POC1B: variants seen among roughly 807,000 people sequenced by gnomAD.
POC1B encodes the protein POC1 centriolar protein B.
In POC1B, 44 loss-of-function variants were observed where a neutral mutation model predicts 60.6. The ratio of observed to expected loss-of-function variants is 0.73; its 90% CI spans 0.57 to 0.93. POC1B has a LOEUF of 0.93. POC1B is among the 40% of genes least tolerant of loss of function. The pLI, the probability that POC1B is intolerant of heterozygous loss-of-function variation, is 0.00. For missense variants in POC1B, 555 were observed against 572.3 expected (o/e 0.97, Z 0.31); for synonymous variants, 180 against 198.9 (o/e 0.90, Z 0.80).
intron 2 of POC1B, chr12:89,523,189 G>A (rs1463683550): frequency 8.7e-6 from 14 of 1,613,746 alleles, no homozygotes; most frequent in African/African-American, 1.3e-5. Flanking sequence ...ACATTCAGAC[G>A]AGATCCCTCT....
At chr12:89,404,820 G>A in the POC1B span, among the ~76,000 whole-genome samples, 2 of 152,086 alleles carry the variant, frequency 1.3e-5, no homozygotes, top group Non-Finnish European at 2.9e-5. Context: ...CTAACTAATA[G>A]TTCTTACCTT....
rs757382859 is a variant in POC1B at position 89,526,003 on chromosome 12, A to G, written c.-108T>C. 6 of 1,541,682 alleles carry G rather than the reference A, an allele frequency of 3.9e-6. No individual in the cohort carries two copies. The African/African-American group carries it at 6.9e-5, about 18-fold the overall frequency. ...GTGCGGCTCCCGGAACCGTCTGCCC[A>G]GAGCGGCAGCGCCTCCCGGTCACTA... On this transcript the variant is annotated 5_prime_UTR_variant, in exon 1 of 12. Transcript: ENST00000313546.
At chr12:89,464,819 GAAAC>G (rs1882625092) in intron 9 of POC1B, among the ~76,000 whole-genome samples, 1 of 137,720 alleles carries the variant, frequency 7.3e-6, no homozygotes, top group African/African-American at 2.6e-5. Context: ...AAAAAAAAAA[GAAAC>G]AATTACAACA....
chr12:89,501,023 G>A (rs1869538761), intron 2 of POC1B: 2 of 1,023,464 alleles, frequency 2.0e-6, no homozygotes, highest in Non-Finnish European at 3.0e-6. Context: ...TAATTGATAA[G>A]TCAGATCAAA....
Position 89,419,735 on chromosome 12 carries a change from A to G in POC1B, c.*1418T>C, listed in dbSNP as rs562007048. The stretch of plus-strand genomic sequence containing the variant: ...GGAACAACTTTTTCTTTTAAAGCAG[A>G]AATGTCTTTATTGTTTGAAGCATGA... On this transcript the variant is annotated 3_prime_UTR_variant, in exon 12 of 12. Transcript: ENST00000313546. The G allele has an allele frequency of 4.6e-5, 7 of 152,302 alleles. No homozygotes were observed. The East Asian group carries it at 1.3e-3, about 29-fold the overall frequency. 9.4% of individuals were successfully genotyped at this position (152,302 alleles called of 1,614,324 possible).
intron 10 of POC1B, among the ~76,000 whole-genome samples, chr12:89,441,399 C>T (rs1046030559): frequency 6.6e-6 from 1 of 152,112 alleles, no homozygotes; most frequent in Non-Finnish European, 1.5e-5. Flanking sequence ...ATGGCCGGGT[C>T]CCCCTCTGAG....
At chr12:89,484,741 T>A (rs1448693107) in intron 4 of POC1B, among the ~76,000 whole-genome samples, 2 of 152,152 alleles carry the variant, frequency 1.3e-5, no homozygotes, top group African/African-American at 4.8e-5. Context: ...CTGTACTGCA[T>A]CACCTGAAAG....
intron 4 of POC1B, among the ~76,000 whole-genome samples, chr12:89,477,345 A>T (rs928399910): frequency 6.6e-6 from 1 of 152,158 alleles, no homozygotes; most frequent in Non-Finnish European, 1.5e-5. Context: ...AATATGTAAA[A>T]AGATGAAGCA....
downstream of POC1B, among the ~76,000 whole-genome samples, chr12:89,419,058 A>C (rs1463837985): frequency 1.3e-5 from 2 of 152,020 alleles, no homozygotes; most frequent in East Asian, 3.9e-4. Flanking sequence ...GAAGAATCAA[A>C]GAGGATTCCA....
intron 2 of POC1B, among the ~76,000 whole-genome samples, chr12:89,512,564 G>A (rs1870239959): frequency 6.6e-6 from 1 of 152,162 alleles, no homozygotes; most frequent in Non-Finnish European, 1.5e-5. Context: ...TTCAAGACCA[G>A]CCTCAGCAAT....
At chr12:89,435,179 CTTTTTTTTTT>C (rs56061239) in intron 10 of POC1B, among the ~76,000 whole-genome samples, 3 of 113,544 alleles carry the variant, frequency 2.6e-5, no homozygotes, top group African/African-American at 3.3e-5. Context: ...GAATGACATT[CTTTTTTTTTT>C]TTTTTTTTTG....
rs989698141 is a variant in POC1B at position 89,420,017 on chromosome 12, G to T, written c.*1136C>A. 1 of 152,054 alleles carries T rather than the reference G, an allele frequency of 6.6e-6. No individual in the cohort carries two copies. The highest frequency in any genetic ancestry group is 1.5e-5 in the Non-Finnish European group (1 of 67,996). 9.4% of individuals were successfully genotyped at this position (152,054 alleles called of 1,614,324 possible). On this transcript the variant is annotated 3_prime_UTR_variant, in exon 12 of 12. Coordinates refer to ENST00000313546, the MANE Select transcript of POC1B (RefSeq NM_172240.3). Reference sequence around the variant, plus strand: ...ACTATTTCTTCTTTTCCAAAACACAGAATAGCATTTTCCCCATGTTACCTA... The same window carrying T: ...ACTATTTCTTCTTTTCCAAAACACATAATAGCATTTTCCCCATGTTACCTA...
chr12:89,521,058 CCCACAGAAGTAAA>C (rs1459928417), intron 2 of POC1B: 4 of 151,998 alleles, frequency 2.6e-5, no homozygotes, highest in Non-Finnish European at 5.9e-5. Flanking sequence ...AACTTCTTAA[CCCACAGAAGTAAA>C]CCACTTCAGG....
rs943632463 is a variant in POC1B, at chr12:89,478,194, C to T, written c.453-5919G>A. Among the ~76,000 whole-genome samples, 6 of 152,178 alleles carry T rather than the reference C, an allele frequency of 3.9e-5. No homozygotes were observed. The East Asian group carries it at 5.8e-4, about 15-fold the overall frequency. ...GCGGGATCTTAGCTCACTGCGACCT[C>T]CGCCTCCTGGGTTCAAGCGATTCTC... On this transcript the variant is annotated intron_variant, in intron 4 of 11. Coordinates refer to ENST00000313546, the MANE Select transcript of POC1B (RefSeq NM_172240.3).
At chr12:89,406,047 T>C in the POC1B span, among the ~76,000 whole-genome samples, 397 of 150,892 alleles carry the variant, frequency 2.6e-3, 3 homozygotes, top group African/African-American at 8.0e-3. Context: ...CTGCTTGGCA[T>C]TTTTGTATAA....
At chr12:89,459,615 A>C (rs977159078) in intron 10 of POC1B, 23 bp downstream of exon 10, 1 of 1,321,256 alleles carries the variant, frequency 7.6e-7, no homozygotes, top group Non-Finnish European at 1.0e-6. Context: ...AGTGTCAAAA[A>C]AAAAAAAAAA....
chr12:89,420,965 T>C lies in POC1B; in HGVS notation c.*188A>G, dbSNP rs1256428615. On this transcript the variant is annotated 3_prime_UTR_variant, in exon 12 of 12. Transcript: ENST00000313546. ...AATTTAAATTAGTCCTTCACATTGA[T>C]ATGTGTTTAAATTAGTCCTTAGGTA... 2 of 447,476 alleles carry C rather than the reference T, an allele frequency of 4.5e-6. No individual in the cohort carries two copies. Among genetic ancestry groups the C allele is most frequent in the Non-Finnish European group, 4.0e-6 (1 of 250,132 alleles). The allele number at this position is 447,476 out of a possible 1,614,324, so 27.7% of individuals were successfully genotyped here. A position where few individuals can be genotyped will look rare whatever the true frequency, so the allele number is the denominator to read the frequency against.
At chr12:89,447,485 G>C (rs1481369610) in intron 10 of POC1B, among the ~76,000 whole-genome samples, 2 of 152,094 alleles carry the variant, frequency 1.3e-5, no homozygotes, top group South Asian at 2.1e-4. Flanking sequence ...AAATCTGAGA[G>C]AGCATATTTC....
chr12:89,525,286 G>T, intron 1 of POC1B, 82 bp from the exon 2 acceptor site: 1 of 1,514,796 alleles, frequency 6.6e-7, no homozygotes, highest in Non-Finnish European at 8.8e-7. Context: ...CCACTTCCCC[G>T]GAGTCCGGCT....
Sources: gnomAD v4.1 joint callset for allele counts (sites outside exome capture counted in the v4.1 genomes callset) on GRCh38, gnomAD v4.1.1 for gene constraint, MANE v1.5 for transcripts, NCBI Gene and HGNC (gene_info 2026-07-23, HGNC 2026-07-21) for gene names.